The following LRRC7 variants were observed in gnomAD, a reference collection of about 807,000 sequenced individuals.
LRRC7 encodes leucine-rich repeat-containing protein 7.
Under a neutral mutation model 175.7 loss-of-function variants are expected in LRRC7, and 23 were observed. That is an observed-to-expected ratio of 0.13 (90% CI 0.09 to 0.19). LRRC7 has a LOEUF of 0.19. Ranked by LOEUF, LRRC7 falls within the 10% of genes least tolerant of loss-of-function variation. The pLI, the probability that LRRC7 is intolerant of heterozygous loss-of-function variation, is 1.00. For missense variants in LRRC7, 1,354 were observed against 1,904.7 expected (o/e 0.71, Z 5.38); for synonymous variants, 685 against 680.9 (o/e 1.01, Z -0.09).
intron 1 of LRRC7, among the ~76,000 whole-genome samples, chr1:69,580,433 C>T (rs1421978211): frequency 2.0e-5 from 3 of 151,522 alleles, no homozygotes; most frequent in Non-Finnish European, 4.4e-5. Flanking sequence ...AGCACTTTGA[C>T]TTTCTCAGTT....
chr1:69,616,366 ATACTG>A (rs1407503689), intron 1 of LRRC7, among the ~76,000 whole-genome samples: 1 of 152,050 alleles, frequency 6.6e-6, no homozygotes, highest in Non-Finnish European at 1.5e-5. Context: ...GGCTAGTACT[ATACTG>A]TACATAAATC....
At chr1:69,924,289 C>G (rs1366258607) in intron 7 of LRRC7, among the ~76,000 whole-genome samples, 1 of 151,984 alleles carries the variant, frequency 6.6e-6, no homozygotes, top group South Asian at 2.1e-4. Flanking sequence ...GATGCGGGCT[C>G]TTTTTTGGTT....
At position 69,568,541 on chromosome 1, in the gene LRRC7, G is replaced by A; in HGVS notation, c.-99G>A. ...CCTCTTCTCCTCCGAAGACCCTGGC[G>A]CCCACTCCACTGCGGACCCCTGAAC... On this transcript the variant is annotated 5_prime_UTR_variant, in exon 1 of 27. Transcript: ENST00000651989. 4.2e-6 allele frequency: 5 copies of A among 1,176,838 alleles called. No individual in the cohort carries two copies. Among genetic ancestry groups the A allele is most frequent in the South Asian group, 1.3e-5 (1 of 76,252 alleles). The allele number at this position is 1,176,838 out of a possible 1,614,324, so 72.9% of individuals were successfully genotyped here.
chr1:69,796,015 T>A (rs567218958), intron 4 of LRRC7, among the ~76,000 whole-genome samples: 1 of 151,544 alleles, frequency 6.6e-6, no homozygotes, highest in South Asian at 2.1e-4. Flanking sequence ...AACGTGCAGG[T>A]TTTGTTACAT....
rs1666728052 is a variant in LRRC7 at position 70,132,806 on chromosome 1, G to A, written c.*10919G>A. 6.6e-6 allele frequency among the ~76,000 whole-genome samples: 1 copy of A among 152,078 alleles called. No individual in the cohort carries two copies. On this transcript the variant is annotated 3_prime_UTR_variant, in exon 27 of 27. Coordinates refer to ENST00000651989, the MANE Select transcript of LRRC7 (RefSeq NM_001370785.2). ...TAAATAAAGACTAATGTCAGACAGT[G>A]TGGCTACAGGTAAAAGCTCTGTGGA...
chr1:70,040,746 G>A (rs1029623678), intron 21 of LRRC7, among the ~76,000 whole-genome samples: 17 of 152,102 alleles, frequency 1.1e-4, no homozygotes, highest in African/African-American at 2.4e-5. Flanking sequence ...CCCAGGAGGT[G>A]GAGGTTGCAG....
chr1:69,739,161 T>C (rs1485007807), intron 2 of LRRC7, among the ~76,000 whole-genome samples: 1 of 151,988 alleles, frequency 6.6e-6, no homozygotes. Context: ...ATAAAGGACA[T>C]AGAGAAAGAA....
chr1:70,089,303 A>G (rs987665283), intron 24 of LRRC7, among the ~76,000 whole-genome samples: 2 of 152,200 alleles, frequency 1.3e-5, no homozygotes, highest in Non-Finnish European at 2.9e-5. Context: ...TTAAATAGCC[A>G]TATTTTCTTT....
intron 7 of LRRC7, among the ~76,000 whole-genome samples, chr1:69,890,647 G>C (rs56198926): frequency 1.3e-5 from 2 of 152,224 alleles, no homozygotes; most frequent in Non-Finnish European, 1.5e-5. Flanking sequence ...CTTTAGCTTT[G>C]AATGTCCCAG....
intron 1 of LRRC7, among the ~76,000 whole-genome samples, chr1:69,582,704 G>A (rs1306760761): frequency 6.6e-6 from 1 of 152,128 alleles, no homozygotes; most frequent in African/African-American, 2.4e-5. Flanking sequence ...TTGAAAGACA[G>A]TTTTTTCCTT....
chr1:70,007,823 C>T (rs946864293), intron 11 of LRRC7, among the ~76,000 whole-genome samples: 2 of 152,140 alleles, frequency 1.3e-5, no homozygotes, highest in African/African-American at 4.8e-5. Flanking sequence ...TTTCATCACA[C>T]TTTCCTCATT....
At chr1:69,887,906 G>A (rs1290442630) in intron 7 of LRRC7, among the ~76,000 whole-genome samples, 1 of 146,884 alleles carries the variant, frequency 6.8e-6, no homozygotes, top group Non-Finnish European at 1.5e-5. Context: ...CCCTGCTGGG[G>A]GGTGCCTCTC....
chr1:70,034,788 T>C (rs1047285510), intron 18 of LRRC7, among the ~76,000 whole-genome samples: 7 of 152,222 alleles, frequency 4.6e-5, no homozygotes, highest in Admixed American at 3.3e-4. Context: ...TTTTCTTTTA[T>C]TGAAATATTC....
At chr1:69,572,063 T>C (rs564865642) in intron 1 of LRRC7, among the ~76,000 whole-genome samples, 1 of 152,244 alleles carries the variant, frequency 6.6e-6, no homozygotes, top group South Asian at 2.1e-4. Flanking sequence ...AAGATGACTT[T>C]AGGGGAATGT....
intron 7 of LRRC7, among the ~76,000 whole-genome samples, chr1:69,863,156 G>A (rs1045529314): frequency 2.0e-5 from 3 of 151,916 alleles, no homozygotes; most frequent in African/African-American, 4.8e-5. Context: ...TGTCTATTTC[G>A]CTTATTCATT....
In LRRC7 at chr1:70,038,215, C is replaced by T. The variant is rs202219542; in HGVS notation, c.2391C>T (p.Pro797=). The change falls in exon 21 of 27, where the codon CCC becomes CCT. Residue 797 remains proline, a synonymous_variant. Transcript: ENST00000651989. The part of the protein sequence containing the change: ...GNIPQRPDRL[P]MSDTFTDNWT... ...TACCACAGCGTCCTGACCGGCTGCC[C>T]ATGAGTGATACTTTCACTGACAACT... The T allele has an allele frequency of 1.1e-4, 171 of 1,614,018 alleles. No individual in the cohort carries two copies. Among genetic ancestry groups the T allele is most frequent in the Non-Finnish European group, 1.4e-4 (164 of 1,180,024 alleles).
Position 69,925,408 on chromosome 1 carries a change from C to T in LRRC7, c.648-6099C>T, listed in dbSNP as rs891216941. Among the ~76,000 whole-genome samples the T allele has an allele frequency of 2.2e-4, 33 of 152,196 alleles. No homozygotes were observed. The South Asian group carries it at 2.3e-3, about 11-fold the overall frequency. Reference sequence around the variant, plus strand: ...TCCTCCTTGTAGCTCTGGTAGAATTCGGCTGTGAATCCATCTGGTCCTGGA... The same window carrying T: ...TCCTCCTTGTAGCTCTGGTAGAATTTGGCTGTGAATCCATCTGGTCCTGGA... On this transcript the variant is annotated intron_variant, in intron 7 of 26. Transcript: ENST00000651989.
At chr1:70,094,985 T>G (rs1368980165) in intron 25 of LRRC7, among the ~76,000 whole-genome samples, 3 of 152,228 alleles carry the variant, frequency 2.0e-5, no homozygotes, top group Non-Finnish European at 2.9e-5. Flanking sequence ...GATGTATATT[T>G]ACTATATGAA....
At chr1:69,679,181 AAT>A (rs1349904477) in intron 2 of LRRC7, among the ~76,000 whole-genome samples, 1 of 152,062 alleles carries the variant, frequency 6.6e-6, no homozygotes, top group Non-Finnish European at 1.5e-5. Flanking sequence ...AATGATCCAT[AAT>A]ACCAAGTTTC....
Sources: allele counts gnomAD v4.1 joint callset (sites outside exome capture counted in the v4.1 genomes callset), GRCh38; gene constraint gnomAD v4.1.1; transcripts MANE v1.5; gene names NCBI Gene and HGNC (gene_info 2026-07-23, HGNC 2026-07-21).